The following DPF3 variants were observed in gnomAD, a reference collection of about 807,000 sequenced individuals.
DPF3 encodes zinc finger protein DPF3.
A neutral mutation model predicts 56.8 loss-of-function variants in DPF3; 18 were observed. The observed-to-expected ratio is 0.32, with a 90% CI of 0.22 to 0.47. The LOEUF is 0.47. Ranked by LOEUF, DPF3 falls within the 20% of genes least tolerant of loss-of-function variation. The pLI is 1.00. For synonymous variants in DPF3, 188 were observed against 180.2 expected, an observed-to-expected ratio of 1.04 and a Z score of -0.35; for missense variants, 403 against 488.8, an observed-to-expected ratio of 0.82 and a Z score of 1.65.
intron 7 of DPF3, among the ~76,000 whole-genome samples, chr14:72,689,146 C>T (rs1397719100): frequency 3.3e-5 from 5 of 152,192 alleles, no homozygotes; most frequent in Admixed American, 1.3e-4. Flanking sequence ...GTCCACTCTG[C>T]CCTTTCAGCA....
In DPF3 at chr14:72,753,291, T is replaced by C. The variant is rs1474307267; in HGVS notation, c.274A>G (p.Lys92Glu). The C allele has an allele frequency of 6.2e-7, 1 of 1,613,576 alleles. No individual in the cohort carries two copies. Among genetic ancestry groups the C allele is most frequent in the Non-Finnish European group, 8.5e-7 (1 of 1,179,834 alleles). ...KRRLHPPEDP[K>E]LRLLEIKPEV... Reference sequence around the variant, plus strand: ...GGTTTTATCTCCAGCAGCCGCAGTTTTGGATCTTCAGGTGGGTGCAATCGT... The same window carrying C: ...GGTTTTATCTCCAGCAGCCGCAGTTCTGGATCTTCAGGTGGGTGCAATCGT... The change falls in exon 3 of 11, where the codon AAA becomes GAA. Residue 92 changes from lysine (K) to glutamate (E), a missense_variant. Around this residue, in one of 2 missense-constraint regions of DPF3, gnomAD observed 340 missense variants for 374.3 expected, o/e 0.91. Transcript: ENST00000556509.
chr14:72,724,711 GTT>G (rs3058941), intron 4 of DPF3, among the ~76,000 whole-genome samples: 1 of 142,298 alleles, frequency 7.0e-6, no homozygotes, highest in African/African-American at 2.6e-5. Context: ...GTTTTTGTTT[GTT>G]TTTTTTTTTT....
chr14:72,727,852 A>T (rs1200179605), intron 4 of DPF3, among the ~76,000 whole-genome samples: 1 of 152,236 alleles, frequency 6.6e-6, no homozygotes, highest in African/African-American at 2.4e-5. Flanking sequence ...CATTCGCTAC[A>T]TGTGTATTTT....
At chr14:72,778,253 G>A (rs998316962) in intron 1 of DPF3, among the ~76,000 whole-genome samples, 5 of 152,214 alleles carry the variant, frequency 3.3e-5, no homozygotes, top group Non-Finnish European at 4.4e-5. Flanking sequence ...GGCACAGCAG[G>A]AGGTGAGCTG....
intron 1 of DPF3, among the ~76,000 whole-genome samples, chr14:72,861,737 G>GAGAAAGAAAGAAAGAAAGAA (rs35048401): frequency 1.2e-5 from 1 of 84,538 alleles, no homozygotes; most frequent in Non-Finnish European, 2.4e-5. Flanking sequence ...AAGAAAGAAA[G>GAGAAAGAAAGAAAGAAAGAA]AGAAAGAAAG....
chr14:72,708,679 G>A (rs574833977), intron 6 of DPF3, among the ~76,000 whole-genome samples: 3 of 152,298 alleles, frequency 2.0e-5, no homozygotes, highest in Admixed American at 1.3e-4. Flanking sequence ...GTTTGAAAGA[G>A]GTTGAGGTCA....
At chr14:72,711,383 T>G (rs1194062302) in intron 6 of DPF3, among the ~76,000 whole-genome samples, 2 of 152,186 alleles carry the variant, frequency 1.3e-5, no homozygotes, top group African/African-American at 2.4e-5. Context: ...AAATGCAGAC[T>G]GATTTATGGA....
At chr14:72,690,732 C>A (rs756983938) in intron 7 of DPF3, among the ~76,000 whole-genome samples, 6 of 152,034 alleles carry the variant, frequency 3.9e-5, no homozygotes, top group Non-Finnish European at 7.4e-5. Flanking sequence ...CATTCCAAAC[C>A]CCAGGGCATG....
intron 9 of DPF3, 52 bp downstream of exon 9, chr14:72,629,572 G>A: frequency 6.7e-7 from 1 of 1,488,424 alleles, no homozygotes; most frequent in Non-Finnish European, 9.1e-7. Flanking sequence ...ACCCCTCAAA[G>A]GACCCCAGCT....
At chr14:72,759,196 T>C (rs1325041648) in intron 2 of DPF3, among the ~76,000 whole-genome samples, 1 of 152,022 alleles carries the variant, frequency 6.6e-6, no homozygotes, top group African/African-American at 2.4e-5. Context: ...TCAGATTAGA[T>C]ATTGCAGAAG....
At chr14:72,841,092 A>T (rs573315451) in intron 1 of DPF3, among the ~76,000 whole-genome samples, 18 of 152,162 alleles carry the variant, frequency 1.2e-4, no homozygotes, top group Admixed American at 2.0e-4. Flanking sequence ...TTAGCAAGGG[A>T]TTTTTATGAG....
intron 1 of DPF3, chr14:72,879,995 G>T (rs1886266476): frequency 6.9e-7 from 1 of 1,447,442 alleles, no homozygotes; most frequent in South Asian, 1.4e-5. Flanking sequence ...TCAAGACTGA[G>T]TAGCCTGCAC....
intron 2 of DPF3, among the ~76,000 whole-genome samples, chr14:72,771,340 C>T (rs890717902): frequency 6.6e-6 from 1 of 152,132 alleles, no homozygotes; most frequent in Admixed American, 6.5e-5. Context: ...ACCTGAGGGA[C>T]AGAAGTTTGG....
intron 7 of DPF3, among the ~76,000 whole-genome samples, chr14:72,675,082 A>C (rs1886851356): frequency 6.6e-6 from 1 of 152,206 alleles, no homozygotes; most frequent in Admixed American, 6.5e-5. Context: ...TTAAACGGTG[A>C]GTTACTGAGC....
chr14:72,774,361 T>A (rs1599429838), intron 1 of DPF3, among the ~76,000 whole-genome samples: 1 of 152,044 alleles, frequency 6.6e-6, no homozygotes, highest in East Asian at 1.9e-4. Flanking sequence ...CTAGTTTTCA[T>A]TTTTTGAGGA....
intron 1 of DPF3, among the ~76,000 whole-genome samples, chr14:72,849,651 A>C (rs949647065): frequency 6.6e-6 from 1 of 151,984 alleles, no homozygotes; most frequent in African/African-American, 2.4e-5. Flanking sequence ...TTTATCCACA[A>C]CAACTCCTTC....
intron 7 of DPF3, among the ~76,000 whole-genome samples, chr14:72,682,759 G>A (rs1887214926): frequency 1.3e-5 from 2 of 152,208 alleles, no homozygotes; most frequent in Admixed American, 6.5e-5. Context: ...ACAGCCTGAG[G>A]ATGGTGGCAC....
At chr14:72,872,590 C>T (rs1278871100) in intron 1 of DPF3, among the ~76,000 whole-genome samples, 1 of 152,130 alleles carries the variant, frequency 6.6e-6, no homozygotes, top group Non-Finnish European at 1.5e-5. Context: ...TCATATGGAA[C>T]CAAAAAAGAG....
chr14:72,728,442 A>G (rs1889499943), intron 4 of DPF3, among the ~76,000 whole-genome samples: 1 of 152,158 alleles, frequency 6.6e-6, no homozygotes, highest in Non-Finnish European at 1.5e-5. Flanking sequence ...TGAAGAACAG[A>G]GCGGCGAAAG....
Sources: gnomAD v4.1 joint callset for allele counts (sites outside exome capture counted in the v4.1 genomes callset) on GRCh38, gnomAD v4.1.1 for gene constraint, gnomAD v4.1.1 regional missense constraint, MANE v1.5 for transcripts, NCBI Gene and HGNC (gene_info 2026-07-23, HGNC 2026-07-21) for gene names.